The following LIPI variants were observed in gnomAD, a reference collection of about 807,000 sequenced individuals.
LIPI encodes the protein lipase member I.
Under a neutral mutation model 50.6 loss-of-function variants are expected in LIPI, and 59 were observed. The ratio of observed to expected loss-of-function variants is 1.16; its 90% CI spans 0.94 to 1.45. LIPI has a LOEUF of 1.45. Among genes scored for constraint, LIPI ranks in the 40% most tolerant of loss-of-function variants. The probability of loss-of-function intolerance (pLI) is 0.00; values close to 1 mark genes in which losing one functional copy is unlikely to be tolerated. For missense variants in LIPI, 586 were observed against 536.3 expected (o/e 1.09, Z -0.92); for synonymous variants, 203 against 178.2 (o/e 1.14, Z -1.11).
At chr21:14,197,376 A>T (rs891070792) in intron 1 of LIPI, among the ~76,000 whole-genome samples, 1 of 152,152 alleles carries the variant, frequency 6.6e-6, no homozygotes, top group Non-Finnish European at 1.5e-5. Context: ...AAATCATGAT[A>T]AAATGTTGCA....
intron 4 of LIPI, among the ~76,000 whole-genome samples, chr21:14,180,897 T>G (rs1165753853): frequency 6.6e-6 from 1 of 152,174 alleles, no homozygotes; most frequent in Non-Finnish European, 1.5e-5. Context: ...TTAGTGTCAC[T>G]GCCCTTGTCT....
intron 3 of LIPI, among the ~76,000 whole-genome samples, chr21:14,185,747 T>C (rs1467514024): frequency 6.6e-6 from 1 of 151,748 alleles, no homozygotes; most frequent in Non-Finnish European, 1.5e-5. Context: ...GGTGTGGTAG[T>C]GAGTGGGCAC....
intron 7 of LIPI, among the ~76,000 whole-genome samples, chr21:14,159,641 G>T (rs1246385472): frequency 6.6e-6 from 1 of 151,150 alleles, no homozygotes; most frequent in Non-Finnish European, 1.5e-5. Flanking sequence ...TCTAGCCATG[G>T]CAGCAAGTAG....
intron 9 of LIPI, among the ~76,000 whole-genome samples, chr21:14,128,931 G>A (rs1440321756): frequency 6.6e-6 from 1 of 151,996 alleles, no homozygotes; most frequent in Admixed American, 6.6e-5. Context: ...GAGTGAGAAT[G>A]GTAGCAGAAG....
intron 7 of LIPI, among the ~76,000 whole-genome samples, chr21:14,158,913 A>G (rs890851582): frequency 4.0e-5 from 6 of 151,344 alleles, no homozygotes; most frequent in Admixed American, 2.0e-4. Flanking sequence ...CCCAAAAACC[A>G]CAAACTACAA....
intron 3 of LIPI, among the ~76,000 whole-genome samples, chr21:14,183,542 T>A (rs999677354): frequency 6.6e-6 from 1 of 152,100 alleles, no homozygotes; most frequent in Non-Finnish European, 1.5e-5. Context: ...ACAGGCAACC[T>A]ATAGAATGGG....
chr21:14,186,315 G>C (rs1340482209), intron 2 of LIPI, among the ~76,000 whole-genome samples: 1 of 152,008 alleles, frequency 6.6e-6, no homozygotes, highest in Non-Finnish European at 1.5e-5. Flanking sequence ...ATCTCATGCA[G>C]AACAGTATGC....
At chr21:14,182,281 G>A (rs1334122782) in intron 3 of LIPI, among the ~76,000 whole-genome samples, 5 of 152,042 alleles carry the variant, frequency 3.3e-5, no homozygotes, top group Non-Finnish European at 7.4e-5. Flanking sequence ...GCTTTTTTAG[G>A]TGCCAAATAT....
At position 14,140,066 on chromosome 21, in the gene LIPI, A is replaced by T. The variant is rs1056579910; in HGVS notation, c.1295+4557T>A. On this transcript the variant is annotated intron_variant, in intron 9 of 9. Transcript: ENST00000681601. The stretch of plus-strand genomic sequence containing the variant: ...TTTGAGATTGTTGAGCAGAGGTGTG[A>T]CATAACCCACTTTTAAAAGGGTCAC... Among the ~76,000 whole-genome samples the T allele has an allele frequency of 2.6e-5, 4 of 152,282 alleles. 1 individual carries two copies. Among genetic ancestry groups the T allele is most frequent in the South Asian group, 4.1e-4 (2 of 4,824 alleles).
chr21:14,199,924 C>T (rs1311305337), intron 1 of LIPI, among the ~76,000 whole-genome samples: 2 of 151,984 alleles, frequency 1.3e-5, no homozygotes, highest in African/African-American at 4.8e-5. Context: ...AGGCTTTATC[C>T]CTGAGATGGA....
chr21:14,188,782 A>G (rs1393685464), intron 2 of LIPI, among the ~76,000 whole-genome samples: 1 of 152,118 alleles, frequency 6.6e-6, no homozygotes, highest in South Asian at 2.1e-4. Context: ...ATAAAACCTA[A>G]TAATTACTAA....
At chr21:14,172,034 A>T (rs375410702) in intron 4 of LIPI, among the ~76,000 whole-genome samples, 19 of 152,158 alleles carry the variant, frequency 1.2e-4, no homozygotes, top group East Asian at 9.7e-4. Flanking sequence ...AAAACAAACA[A>T]CCCCATCAAA....
intron 9 of LIPI, among the ~76,000 whole-genome samples, chr21:14,118,238 A>G (rs899503268): frequency 5.9e-5 from 9 of 152,200 alleles, no homozygotes; most frequent in South Asian, 4.1e-4. Context: ...GCTCCATCTC[A>G]TTAGGCCCCA....
chr21:14,198,386 A>G (rs1258830809), intron 1 of LIPI, among the ~76,000 whole-genome samples: 1 of 152,190 alleles, frequency 6.6e-6, no homozygotes. Flanking sequence ...TCTCACATGC[A>G]ATGACAAACA....
At chr21:14,141,227 G>C (rs915571081) in intron 9 of LIPI, among the ~76,000 whole-genome samples, 6 of 151,648 alleles carry the variant, frequency 4.0e-5, no homozygotes, top group Admixed American at 2.0e-4. Flanking sequence ...AGCAACATTA[G>C]GTATCCAAAA....
At chr21:14,126,899 G>A (rs930826532) in intron 9 of LIPI, among the ~76,000 whole-genome samples, 4 of 152,150 alleles carry the variant, frequency 2.6e-5, no homozygotes, top group African/African-American at 9.7e-5. Context: ...TATGATTGAT[G>A]AAAATGTAAA....
chr21:14,147,615 C>T (rs560162346), intron 8 of LIPI, among the ~76,000 whole-genome samples: 90 of 152,260 alleles, frequency 5.9e-4, no homozygotes, highest in Non-Finnish European at 1.1e-3. Context: ...CTATTCCTAG[C>T]ACAGATCCGG....
At chr21:14,196,324 A>G (rs1310167186) in intron 1 of LIPI, among the ~76,000 whole-genome samples, 2 of 152,208 alleles carry the variant, frequency 1.3e-5, no homozygotes, top group Non-Finnish European at 2.9e-5. Flanking sequence ...AAAAAAGTAC[A>G]TATTTTAAAT....
chr21:14,186,856 C>T (rs1370674876), intron 2 of LIPI, among the ~76,000 whole-genome samples: 1 of 152,184 alleles, frequency 6.6e-6, no homozygotes, highest in Non-Finnish European at 1.5e-5. Flanking sequence ...TCACCAGACA[C>T]TGAATCTGCT....
Sources: allele counts gnomAD v4.1 joint callset (sites outside exome capture counted in the v4.1 genomes callset), GRCh38; gene constraint gnomAD v4.1.1; transcripts MANE v1.5; gene names NCBI Gene and HGNC (gene_info 2026-07-23, HGNC 2026-07-21).